SANBR: variants seen among roughly 807,000 people sequenced by gnomAD.
SANBR encodes the protein SANT and BTB domain regulator of CSR, also known as SANT and BTB domain regulator of class switch recombination.
In SANBR, 77 loss-of-function variants were observed where a neutral mutation model predicts 101.8. The observed-to-expected ratio is 0.76, with a 90% CI of 0.63 to 0.91. The LOEUF is 0.91. Among genes scored for constraint, SANBR ranks in the 40% least tolerant of loss-of-function variants. The pLI is 0.00. For synonymous variants in SANBR, 279 were observed against 274.7 expected (o/e 1.02, Z -0.15); for missense variants, 875 against 853.0 (o/e 1.03, Z -0.32).
chr2:61,119,056 CGACTGT>C (rs1299549813), intron 20 of SANBR, among the ~76,000 whole-genome samples: 1 of 152,064 alleles, frequency 6.6e-6, no homozygotes, highest in Non-Finnish European at 1.5e-5. Flanking sequence ...ATCCAGCAGG[CGACTGT>C]CTGAAAGTAC....
intron 16 of SANBR, among the ~76,000 whole-genome samples, chr2:61,111,480 A>G (rs867404126): frequency 3.9e-5 from 6 of 152,340 alleles, no homozygotes; most frequent in Admixed American, 6.5e-5. Flanking sequence ...GAATCCTCCA[A>G]TGAAAAAGCT....
intron 12 of SANBR, among the ~76,000 whole-genome samples, chr2:61,100,215 C>A (rs1683218539): frequency 6.6e-6 from 1 of 152,194 alleles, no homozygotes; most frequent in African/African-American, 2.4e-5. Flanking sequence ...AGCGATTCTC[C>A]TGCGTCAGCC....
intron 20 of SANBR, among the ~76,000 whole-genome samples, chr2:61,132,090 A>G (rs1478847711): frequency 2.6e-5 from 4 of 151,482 alleles, no homozygotes; most frequent in Admixed American, 2.0e-4. Flanking sequence ...CATAGGGGTA[A>G]ATCTTCGTGA....
rs753949595 is a variant in SANBR, at chr2:61,083,288, A to C, written c.864A>C (p.Leu288Phe). Residue 288 changes from leucine to phenylalanine, a missense_variant, in exon 8 of 22, where the codon TTA becomes TTC. By Grantham distance (22) the Leu-to-Phe change is conservative. Coordinates refer to ENST00000402291, the MANE Select transcript of SANBR (RefSeq NM_001129993.3). ...DLFSHNEVDD[L>F]KDKKDKFKSK... ...TCTCACACAATGAAGTTGATGATTT[A>C]AAGGACAAAAAAGATAAATTTAAAA... 6.2e-7 allele frequency: 1 copy of C among 1,602,638 alleles called. No individual in the cohort carries two copies. The highest frequency in any genetic ancestry group is 1.1e-5 in the South Asian group (1 of 89,028).
intron 10 of SANBR, among the ~76,000 whole-genome samples, chr2:61,092,204 T>C (rs191681314): frequency 5.9e-4 from 90 of 152,290 alleles, no homozygotes; most frequent in African/African-American, 2.0e-3. Context: ...CCACCAAATA[T>C]ACAAACCCTG....
At chr2:61,084,769 A>C (rs1446671525) in intron 8 of SANBR, among the ~76,000 whole-genome samples, 1 of 152,170 alleles carries the variant, frequency 6.6e-6, no homozygotes, top group Non-Finnish European at 1.5e-5. Flanking sequence ...TTAGGGATTT[A>C]AGAAGCAAGG....
chr2:61,088,273 G>A, intron 9 of SANBR, 28 bp downstream of exon 9: 12 of 1,578,858 alleles, frequency 7.6e-6, no homozygotes, highest in Non-Finnish European at 9.5e-6. Context: ...TTTCTTTGGT[G>A]TACTTTATAA....
chr2:61,128,121 A>C (rs1401359516), downstream of SANBR, among the ~76,000 whole-genome samples: 1 of 151,758 alleles, frequency 6.6e-6, no homozygotes, highest in Non-Finnish European at 1.5e-5. Flanking sequence ...AAATACAAAA[A>C]ATTAGCCGGG....
intron 20 of SANBR, chr2:61,134,076 G>A: frequency 6.3e-7 from 1 of 1,589,650 alleles, no homozygotes; most frequent in Non-Finnish European, 8.6e-7. Context: ...CTCTTCTTGT[G>A]TTTGCCTGGG....
rs1682813318 is a variant in SANBR at position 61,092,485 on chromosome 2, TGA to T, written c.1112_1113del (p.Glu371ValfsTer4). The T allele has an allele frequency of 6.3e-7, 1 of 1,595,356 alleles. No homozygotes were observed. Among genetic ancestry groups the T allele is most frequent in the Non-Finnish European group, 8.5e-7 (1 of 1,171,820 alleles). On this transcript the variant is annotated frameshift_variant, in exon 11 of 22. Transcript: ENST00000402291. LOFTEE classifies it high-confidence loss of function. ...CCAGAGATAAGACATGGGATGTTCA[TGA>T]GTATTTGAATAGTCTTTTCGAAGAA... ...HIRDKTWDVH[E>X]YLNSLFEELK...
chr2:61,079,528 G>T (rs1439359253), intron 6 of SANBR, among the ~76,000 whole-genome samples: 1 of 152,016 alleles, frequency 6.6e-6, no homozygotes, highest in Non-Finnish European at 1.5e-5. Flanking sequence ...GTTTCTAGTG[G>T]TCCTTAAATA....
rs779819465 is a variant in SANBR at position 61,122,730 on chromosome 2, G to A, written c.*568G>A. On this transcript the variant is annotated 3_prime_UTR_variant, in exon 22 of 22. Coordinates refer to ENST00000402291, the MANE Select transcript of SANBR (RefSeq NM_001129993.3). ...ATTTCAGTACTGTGTTGGGCAGAAGGGTTAATTTTTTTCAGCATTATATCG... is the reference window on the plus strand; with the variant it reads ...ATTTCAGTACTGTGTTGGGCAGAAGAGTTAATTTTTTTCAGCATTATATCG... 1.9e-5 allele frequency: 19 copies of A among 985,320 alleles called. No individual in the cohort carries two copies. The highest frequency in any genetic ancestry group is 2.2e-5 in the Non-Finnish European group (18 of 829,894). 61.0% of individuals were successfully genotyped at this position (985,320 alleles called of 1,614,324 possible). A position where few individuals can be genotyped will look rare whatever the true frequency, so the allele number is the denominator to read the frequency against.
chr2:61,094,940 C>T (rs1299709591), intron 11 of SANBR, among the ~76,000 whole-genome samples: 2 of 152,112 alleles, frequency 1.3e-5, no homozygotes, highest in Admixed American at 6.6e-5. Context: ...CCACTGCGCC[C>T]GGCCTCTCTT....
In SANBR at chr2:61,085,620, C is replaced by T. The variant is rs570545720; in HGVS notation, c.890+2306C>T. Among the ~76,000 whole-genome samples, 3 of 152,162 alleles carry T rather than the reference C, an allele frequency of 2.0e-5. No individual in the cohort carries two copies. In the East Asian group the frequency reaches 5.8e-4, roughly 29 times the overall value. ...CCGCCTCCCAGGTTCAAGCAATTCT[C>T]CTGCCTCAGCCTCCCAAGTAGCTGG... On this transcript the variant is annotated intron_variant, in intron 8 of 21. Coordinates refer to ENST00000402291, the MANE Select transcript of SANBR (RefSeq NM_001129993.3).
intron 4 of SANBR, 44 bp from the exon 5 acceptor site, chr2:61,073,413 AC>A: frequency 1.0e-6 from 1 of 960,118 alleles, no homozygotes. Context: ...AGAAACACTA[AC>A]CCCCACCTTT....
At chr2:61,131,073 C>T (rs1266415242) in intron 20 of SANBR, among the ~76,000 whole-genome samples, 3 of 150,824 alleles carry the variant, frequency 2.0e-5, no homozygotes, top group Non-Finnish European at 2.9e-5. Context: ...TAAAGGACAT[C>T]TACAAAAACC....
chr2:61,080,301 C>T (rs1283181627), intron 6 of SANBR, among the ~76,000 whole-genome samples: 3 of 151,672 alleles, frequency 2.0e-5, no homozygotes, highest in Non-Finnish European at 4.4e-5. Flanking sequence ...TTTATTCTAA[C>T]CAGGAAAACT....
chr2:61,071,733 T>G lies in SANBR; in HGVS notation c.278T>G (p.Leu93Arg). 1.9e-6 allele frequency: 3 copies of G among 1,606,226 alleles called. No individual in the cohort carries two copies. The highest frequency in any genetic ancestry group is 2.5e-6 in the Non-Finnish European group (3 of 1,177,912). Reference protein sequence around the residue: ...TLATYIKSSLLDIHGEFQETP... With the variant: ...TLATYIKSSLRDIHGEFQETP... ...GCCACATATATCAAATCCTCACTTC[T>G]TGACATACATGGAGAATTTCAGGAG... The change falls in exon 4 of 22, where the codon CTT becomes CGT. Residue 93 changes from leucine (L) to arginine (R), a missense_variant. Leu to Arg is a moderately radical substitution (Grantham distance 102). Transcript: ENST00000402291.
chr2:61,084,853 C>T (rs867404770), intron 8 of SANBR, among the ~76,000 whole-genome samples: 6 of 152,004 alleles, frequency 3.9e-5, no homozygotes, highest in African/African-American at 1.4e-4. Flanking sequence ...AACGGTAGAG[C>T]TGGAAAGAAG....
Sources: allele counts gnomAD v4.1 joint callset (sites outside exome capture counted in the v4.1 genomes callset), GRCh38; gene constraint gnomAD v4.1.1; transcripts MANE v1.5; gene names NCBI Gene and HGNC (gene_info 2026-07-23, HGNC 2026-07-21).